Variants in CEP170 observed in about 807,000 individuals in gnomAD.
The protein encoded by CEP170 is centrosomal protein of 170 kDa.
Under a neutral mutation model 151.9 loss-of-function variants are expected in CEP170, and 21 were observed. That is an observed-to-expected ratio of 0.14 (90% confidence interval 0.10 to 0.20). The LOEUF (loss-of-function observed/expected upper bound fraction) is 0.20. Ranked by LOEUF, CEP170 falls within the 10% of genes least tolerant of loss-of-function variation. CEP170 has a pLI of 1.00. For missense variants in CEP170, 964 were observed against 1,892.9 expected (o/e 0.51, Z 9.11); for synonymous variants, 356 against 648.8 (o/e 0.55, Z 6.86).
At chr1:243,162,383 A>C (rs2058135559) in intron 13 of CEP170, among the ~76,000 whole-genome samples, 1 of 152,168 alleles carries the variant, frequency 6.6e-6, no homozygotes, top group African/African-American at 2.4e-5. Flanking sequence ...GGTTCCCTTA[A>C]GAGAATAACC....
intron 10 of CEP170, among the ~76,000 whole-genome samples, chr1:243,183,038 G>C (rs955600399): frequency 1.2e-4 from 18 of 151,534 alleles, no homozygotes; most frequent in African/African-American, 4.4e-4. Context: ...GAAGACCTGA[G>C]ATCTCCTCTT....
At chr1:243,230,750 G>A (rs2063673828) in intron 1 of CEP170, among the ~76,000 whole-genome samples, 1 of 152,070 alleles carries the variant, frequency 6.6e-6, no homozygotes, top group Non-Finnish European at 1.5e-5. Context: ...AATGAACAGA[G>A]CCTGAGGCAC....
At chr1:243,222,210 A>G (rs912225017) in intron 2 of CEP170, among the ~76,000 whole-genome samples, 1 of 152,224 alleles carries the variant, frequency 6.6e-6, no homozygotes, top group African/African-American at 2.4e-5. Flanking sequence ...TTTCAAAACA[A>G]AAAATGAGCA....
chr1:243,239,312 C>T (rs1279540989), intron 1 of CEP170, among the ~76,000 whole-genome samples: 1 of 152,140 alleles, frequency 6.6e-6, no homozygotes, highest in African/African-American at 2.4e-5. Flanking sequence ...CATTATGTCC[C>T]TTTGATTCCA....
chr1:243,154,854 G>A (rs1409939423), intron 14 of CEP170, among the ~76,000 whole-genome samples: 5 of 152,128 alleles, frequency 3.3e-5, no homozygotes, highest in African/African-American at 1.2e-4. Flanking sequence ...TTCTAGTTTG[G>A]GGTAGAGGGA....
rs1349533337 is a variant in CEP170, at chr1:243,126,102, G to A, written c.*347C>T. ...GGAGACTTAGGGGTTCAGAAATGTT[G>A]GCTATTTAGTTTGCTTGTAGGTCAC... On this transcript the variant is annotated 3_prime_UTR_variant, in exon 20 of 20. Coordinates refer to ENST00000366542, the MANE Select transcript of CEP170 (RefSeq NM_014812.3). 8.6e-6 allele frequency: 4 copies of A among 462,738 alleles called. No individual in the cohort carries two copies. Among genetic ancestry groups the A allele is most frequent in the African/African-American group, 2.0e-5 (1 of 50,330 alleles). 28.7% of individuals were successfully genotyped at this position (462,738 alleles called of 1,614,324 possible).
chr1:243,243,861 C>T (rs2065101949), intron 1 of CEP170, among the ~76,000 whole-genome samples: 1 of 152,128 alleles, frequency 6.6e-6, no homozygotes, highest in Non-Finnish European at 1.5e-5. Context: ...CACACACACA[C>T]ACATACACAA....
chr1:243,205,916 AAAC>A (rs2061384920), intron 4 of CEP170, among the ~76,000 whole-genome samples: 1 of 152,018 alleles, frequency 6.6e-6, no homozygotes, highest in East Asian at 1.9e-4. Flanking sequence ...AGGAACAAAA[AAAC>A]AACAAACAAA....
chr1:243,200,102 G>C (rs2060926030), intron 6 of CEP170, among the ~76,000 whole-genome samples: 1 of 151,780 alleles, frequency 6.6e-6, no homozygotes, highest in African/African-American at 2.4e-5. Context: ...CAAATGAAGT[G>C]AGGTGTATGC....
intron 1 of CEP170, among the ~76,000 whole-genome samples, chr1:243,229,600 A>C (rs1453155291): frequency 2.0e-5 from 3 of 152,134 alleles, no homozygotes; most frequent in Non-Finnish European, 4.4e-5. Context: ...CAGCTCCAAG[A>C]AGCAGCCTGG....
At chr1:243,209,132 GT>G (rs1385971261) in intron 4 of CEP170, among the ~76,000 whole-genome samples, 3 of 152,196 alleles carry the variant, frequency 2.0e-5, no homozygotes, top group Non-Finnish European at 4.4e-5. Flanking sequence ...CCTAATTCTA[GT>G]CTTGATCCAT....
rs1197671755 is a variant in CEP170, at chr1:243,135,372, A to G, written c.4319+771T>C. Among the ~76,000 whole-genome samples the G allele has an allele frequency of 3.9e-5, 6 of 151,926 alleles. No individual in the cohort carries two copies. The South Asian group carries it at 6.2e-4, about 16-fold the overall frequency. On this transcript the variant is annotated intron_variant, in intron 17 of 19. Transcript: ENST00000366542. ...CAGGCGCCCGCCACCACGCCCGGCT[A>G]ATTTTTTTGAATTTTAATAGAGACA...
At chr1:243,249,411 C>G (rs2065727210) in intron 1 of CEP170, among the ~76,000 whole-genome samples, 1 of 144,678 alleles carries the variant, frequency 6.9e-6, no homozygotes, top group Admixed American at 7.2e-5. Flanking sequence ...GAACAAGACT[C>G]TGTCTCAAAA....
chr1:243,176,309 A>G (rs990079603), intron 10 of CEP170, among the ~76,000 whole-genome samples: 4 of 152,172 alleles, frequency 2.6e-5, no homozygotes, highest in African/African-American at 9.7e-5. Flanking sequence ...TAATTCTTCC[A>G]GAGTAGGATC....
At chr1:243,203,636 G>T (rs1330359963) in intron 4 of CEP170, among the ~76,000 whole-genome samples, 10 of 151,786 alleles carry the variant, frequency 6.6e-5, no homozygotes, top group African/African-American at 2.4e-4. Context: ...TTCATACAAG[G>T]AAAGATCAGA....
chr1:243,138,948 T>C (rs1304629910), intron 16 of CEP170, among the ~76,000 whole-genome samples: 3 of 152,212 alleles, frequency 2.0e-5, no homozygotes, highest in Non-Finnish European at 2.9e-5. Flanking sequence ...AGAAAGCCTA[T>C]GTAGCTACCT....
At chr1:243,186,119 G>A (rs193082259) in intron 9 of CEP170, 47 bp from the exon 10 acceptor site, 1 of 1,613,368 alleles carries the variant, frequency 6.2e-7, no homozygotes, top group East Asian at 2.2e-5. Flanking sequence ...TGGAGACTTT[G>A]CTTTCTCAAG....
At chr1:243,226,104 CG>C (rs2063241318) in intron 1 of CEP170, among the ~76,000 whole-genome samples, 1 of 121,456 alleles carries the variant, frequency 8.2e-6, no homozygotes, top group African/African-American at 4.0e-5. Context: ...TATATATACA[CG>C]TATATATATG....
At chr1:243,134,190 T>C in intron 17 of CEP170, among the ~76,000 whole-genome samples, 1 of 152,164 alleles carries the variant, frequency 6.6e-6, no homozygotes, top group Non-Finnish European at 1.5e-5. Flanking sequence ...AATAGCTAAC[T>C]TAATACAAGC....
Sources: gnomAD v4.1 joint callset for allele counts (sites outside exome capture counted in the v4.1 genomes callset) on GRCh38, gnomAD v4.1.1 for gene constraint, MANE v1.5 for transcripts, NCBI Gene and HGNC (gene_info 2026-07-23, HGNC 2026-07-21) for gene names.